Variants in CFLAR observed in about 807,000 individuals in gnomAD.
CFLAR encodes the protein CASP8 and FADD like apoptosis regulator, also known as CASP8 and FADD-like apoptosis regulator.
Under a neutral mutation model 51.1 loss-of-function variants are expected in CFLAR, and 14 were observed. The observed-to-expected ratio is 0.27, with a 90% CI of 0.18 to 0.43. The LOEUF is 0.43. CFLAR is among the 20% of genes least tolerant of loss of function. CFLAR has a pLI of 1.00. For synonymous variants in CFLAR, 210 were observed against 211.6 expected (o/e 0.99, Z 0.06); for missense variants, 390 against 566.5 (o/e 0.69, Z 3.16).
intron 4 of CFLAR, chr2:201,137,273 C>G: frequency 4.2e-6 from 1 of 240,116 alleles, no homozygotes; most frequent in Non-Finnish European, 8.3e-6. Context: ...GCCTGAGAGC[C>G]CAGCTGCCTG....
chr2:201,130,270 C>G (rs1288300186), intron 2 of CFLAR, 124 bp downstream of exon 2: 8 of 768,200 alleles, frequency 1.0e-5, no homozygotes, highest in African/African-American at 5.2e-5. Flanking sequence ...GCCCACTTAT[C>G]CAACTGCCAG....
chr2:201,161,920 T>G (rs920268435), intron 9 of CFLAR, among the ~76,000 whole-genome samples: 2 of 151,644 alleles, frequency 1.3e-5, no homozygotes, highest in Admixed American at 1.3e-4. Context: ...CTAATTTTTG[T>G]ATTTTTAGTG....
chr2:201,173,712 C>T lies in CFLAR; in HGVS notation c.*9739C>T, dbSNP rs796779499. On this transcript the variant is annotated 3_prime_UTR_variant, in exon 10 of 10. Coordinates refer to ENST00000309955, the MANE Select transcript of CFLAR (RefSeq NM_003879.7). ...TCTGAGATGGAATCTCACTCTGTCG[C>T]CCAGGTTGGAGTGCAGTGGTGCAAT... The T allele has an allele frequency of 7.0e-6, 1 of 142,740 alleles. No individual in the cohort carries two copies. Among genetic ancestry groups the T allele is most frequent in the Non-Finnish European group, 1.5e-5 (1 of 67,988 alleles). 8.8% of individuals were successfully genotyped at this position (142,740 alleles called of 1,614,324 possible). A position where few individuals can be genotyped will look rare whatever the true frequency, so the allele number is the denominator to read the frequency against.
At chr2:201,155,586 T>C (rs1370732780) in intron 8 of CFLAR, among the ~76,000 whole-genome samples, 1 of 151,998 alleles carries the variant, frequency 6.6e-6, no homozygotes, top group Admixed American at 6.6e-5. Context: ...TTTTTTTTTC[T>C]ATCCTGCTCT....
intron 6 of CFLAR, chr2:201,146,776 T>G (rs1940276492): frequency 6.6e-6 from 1 of 152,198 alleles, no homozygotes; most frequent in Admixed American, 6.6e-5. Context: ...ATGTTTTGAG[T>G]AGGGCAGTGG....
chr2:201,139,952 G>A (rs1938160001), intron 4 of CFLAR: 1 of 203,554 alleles, frequency 4.9e-6, no homozygotes, highest in South Asian at 5.5e-5. Flanking sequence ...GTGTGGAGGG[G>A]CAACCCACCC....
At chr2:201,133,202 CAG>C in intron 3 of CFLAR, 68 bp downstream of exon 3, 2 of 1,179,642 alleles carry the variant, frequency 1.7e-6, no homozygotes, top group Non-Finnish European at 2.5e-6. Flanking sequence ...CTTGTTGATA[CAG>C]AGAGAGGGAA....
chr2:201,162,634 C>A, intron 9 of CFLAR: 1 of 206,848 alleles, frequency 4.8e-6, no homozygotes, highest in Admixed American at 5.1e-5. Flanking sequence ...ATCCTTTCAC[C>A]TGGCTGTGAG....
chr2:201,129,659 G>T, intron 1 of CFLAR, 70 bp from the exon 2 acceptor site: 2 of 540,746 alleles, frequency 3.7e-6, no homozygotes, highest in Non-Finnish European at 3.3e-6. Context: ...GAAGGAAAGA[G>T]CCCATACTTT....
chr2:201,122,353 C>G (rs150692775), intron 1 of CFLAR: 157 of 152,350 alleles, frequency 1.0e-3, no homozygotes, highest in African/African-American at 3.5e-3. Context: ...CTTCCTTTCA[C>G]AAGCTCTTCT....
At chr2:201,150,305 G>T (rs7571899) in intron 8 of CFLAR, 36,274 of 150,912 alleles carry the variant, frequency 0.24, 5,025 homozygotes, top group African/African-American at 0.38. Flanking sequence ...CCGCACTGTA[G>T]CCTGGGTGAC....
chr2:201,163,173 G>A, intron 9 of CFLAR: 1 of 974,008 alleles, frequency 1.0e-6, no homozygotes, highest in Non-Finnish European at 1.5e-6. Flanking sequence ...TTGACAATTT[G>A]ATAGGTGAAA....
At chr2:201,136,736 C>G in intron 4 of CFLAR, 1 of 500,644 alleles carries the variant, frequency 2.0e-6, no homozygotes, top group Non-Finnish European at 3.5e-6. Flanking sequence ...ACTCTTTTAC[C>G]CCAACATACT....
At chr2:201,161,628 C>T (rs1389303511) in intron 9 of CFLAR, among the ~76,000 whole-genome samples, 4 of 151,592 alleles carry the variant, frequency 2.6e-5, no homozygotes, top group Non-Finnish European at 4.4e-5. Context: ...TTGACCAGGC[C>T]AGTCTTGAAC....
chr2:201,130,353 C>CTTTTTT lies in CFLAR; in HGVS notation c.281+228_281+233dup, dbSNP rs771361555. The stretch of plus-strand genomic sequence containing the variant: ...TTTCTTGCTTTCTTTTTCTTTCTTT[C>CTTTTTT]TTTTTTTTTTTTTTTTTTTTTTTTT... On this transcript the variant is annotated intron_variant, in intron 2 of 9. Coordinates refer to ENST00000309955, the MANE Select transcript of CFLAR (RefSeq NM_003879.7). 1.3e-3 allele frequency among the ~76,000 whole-genome samples: 123 copies of CTTTTTT among 92,280 alleles called. 2 individuals carry two copies. The highest frequency in any genetic ancestry group is 2.7e-3 in the African/African-American group (56 of 20,744). The allele number at this position is 92,280 out of a possible 152,430, so 60.5% of individuals were successfully genotyped here. A position where few individuals can be genotyped will look rare whatever the true frequency, so the allele number is the denominator to read the frequency against.
At chr2:201,121,058 C>G (rs180820018) in intron 1 of CFLAR, among the ~76,000 whole-genome samples, 1 of 152,282 alleles carries the variant, frequency 6.6e-6, no homozygotes, top group Non-Finnish European at 1.5e-5. Context: ...GGTTGGAAAA[C>G]ATAGAAGCAG....
chr2:201,134,171 G>A (rs370352550), intron 3 of CFLAR, among the ~76,000 whole-genome samples: 20 of 151,884 alleles, frequency 1.3e-4, no homozygotes, highest in African/African-American at 4.3e-4. Flanking sequence ...TTAGCCGGGC[G>A]TGGTGGTAGG....
chr2:201,142,137 A>G (rs56160734), intron 5 of CFLAR, among the ~76,000 whole-genome samples: 36,868 of 151,880 alleles, frequency 0.24, 5,158 homozygotes, highest in African/African-American at 0.38. Context: ...TTAGCTGGGC[A>G]TGATGGTGTG....
chr2:201,134,595 A>G (rs1044429628), intron 3 of CFLAR, among the ~76,000 whole-genome samples: 2 of 152,038 alleles, frequency 1.3e-5, no homozygotes, highest in African/African-American at 2.4e-5. Flanking sequence ...AGATTGTGCT[A>G]TTGCACTCCA....
Sources: gnomAD v4.1 joint callset for allele counts (sites outside exome capture counted in the v4.1 genomes callset) on GRCh38, gnomAD v4.1.1 for gene constraint, MANE v1.5 for transcripts, NCBI Gene and HGNC (gene_info 2026-07-23, HGNC 2026-07-21) for gene names.